MTREX: variants seen among roughly 807,000 people sequenced by gnomAD.
MTREX encodes the protein exosome RNA helicase MTR4.
A neutral mutation model predicts 135.4 loss-of-function variants in MTREX; 76 were observed. The observed-to-expected ratio is 0.56, with a 90% CI of 0.47 to 0.68. The LOEUF (loss-of-function observed/expected upper bound fraction) is 0.68. Among genes scored for constraint, MTREX ranks in the 30% least tolerant of loss-of-function variants. MTREX has a pLI of 0.00. For missense variants in MTREX, 920 were observed against 1,262.1 expected (o/e 0.73, Z 4.11); for synonymous variants, 404 against 401.6 (o/e 1.01, Z -0.07).
In MTREX at chr5:55,328,785, C is replaced by G. The variant is rs755748746; in HGVS notation, c.489C>G (p.Thr163=). The G allele has an allele frequency of 5.4e-5, 87 of 1,609,936 alleles. No individual in the cohort carries two copies. In the South Asian group the frequency reaches 7.7e-4, roughly 14 times the overall value. Residue 163 remains threonine, a synonymous_variant, in exon 5 of 27, where the codon ACC becomes ACG. Coordinates refer to ENST00000230640, the MANE Select transcript of MTREX (RefSeq NM_015360.5). ...NNQSVLVSAH[T]SAGKTVCAEY... is the part of the protein sequence containing the mutation. ...AGTCTGTTCTAGTATCTGCACATAC[C>G]TCAGCGGGAAAAACAGTATGCGCCG...
intron 1 of MTREX, among the ~76,000 whole-genome samples, chr5:55,319,390 A>G (rs561473691): frequency 2.6e-4 from 39 of 152,360 alleles, no homozygotes; most frequent in African/African-American, 9.4e-4. Context: ...TGACCATTTT[A>G]GAATGTGTTG....
At chr5:55,414,990 T>C (rs982215269) in intron 24 of MTREX, among the ~76,000 whole-genome samples, 3 of 152,250 alleles carry the variant, frequency 2.0e-5, no homozygotes, top group Admixed American at 2.0e-4. Context: ...TAAGAAATTG[T>C]CTCTGGATCC....
intron 14 of MTREX, among the ~76,000 whole-genome samples, chr5:55,355,660 G>A (rs866984166): frequency 2.6e-5 from 4 of 152,196 alleles, no homozygotes; most frequent in African/African-American, 7.2e-5. Flanking sequence ...AGCTCTTGGC[G>A]AATCCTGGGG....
At chr5:55,385,658 C>T (rs1366085961) in intron 18 of MTREX, among the ~76,000 whole-genome samples, 1 of 151,916 alleles carries the variant, frequency 6.6e-6, no homozygotes, top group East Asian at 1.9e-4. Flanking sequence ...TTGATATATT[C>T]TCTTAGGACT....
chr5:55,326,061 T>C (rs1749372538), intron 3 of MTREX, among the ~76,000 whole-genome samples: 1 of 152,170 alleles, frequency 6.6e-6, no homozygotes, highest in African/African-American at 2.4e-5. Context: ...ATTCAAGATA[T>C]GTTAGACCCT....
intron 19 of MTREX, among the ~76,000 whole-genome samples, chr5:55,389,937 A>G (rs558467649): frequency 6.6e-6 from 1 of 152,296 alleles, no homozygotes; most frequent in Non-Finnish European, 1.5e-5. Context: ...ATAAGGAAAT[A>G]TTAGCTCTCA....
rs983607828 is a variant in MTREX, at chr5:55,351,136, A to G, written c.1431+107A>G. 30 of 1,291,194 alleles carry G rather than the reference A, an allele frequency of 2.3e-5. 1 individual carries two copies. The highest frequency in any genetic ancestry group is 3.7e-5 in the Admixed American group (1 of 26,842). 80.0% of individuals were successfully genotyped at this position (1,291,194 alleles called of 1,614,324 possible). ...AATATGTGTGTTTTTAACAAGGCTT[A>G]ATGAAATGACTTAAATAATGAACTT... is the stretch of plus-strand genomic sequence containing the variant. On this transcript the variant is annotated intron_variant, in intron 13 of 26. Coordinates refer to ENST00000230640, the MANE Select transcript of MTREX (RefSeq NM_015360.5).
chr5:55,313,753 GTTTAAAACAGTACAT>G (rs1213904891), intron 1 of MTREX, among the ~76,000 whole-genome samples: 1 of 152,102 alleles, frequency 6.6e-6, no homozygotes, highest in East Asian at 1.9e-4. Context: ...AAAATCAAAA[GTTTAAAACAGTACAT>G]TCTTGCTTCC....
In MTREX at chr5:55,415,260, G is replaced by T. The variant is rs944878727; in HGVS notation, c.2809-710G>T. ...AAAAACCTGTGGCATATTATACTTA[G>T]TACTCAGCTGACTAAATAATCTATA... On this transcript the variant is annotated intron_variant, in intron 24 of 26. Coordinates refer to ENST00000230640, the MANE Select transcript of MTREX (RefSeq NM_015360.5). 2.0e-5 allele frequency among the ~76,000 whole-genome samples: 3 copies of T among 151,930 alleles called. No individual in the cohort carries two copies. The South Asian group carries it at 6.2e-4, about 31-fold the overall frequency.
chr5:55,310,877 AAGC>A (rs1329083665), intron 1 of MTREX, among the ~76,000 whole-genome samples: 18 of 152,166 alleles, frequency 1.2e-4, no homozygotes, highest in Non-Finnish European at 2.5e-4. Context: ...TCCTGGCCTC[AAGC>A]ATTCCTCCCA....
At chr5:55,424,116 ATTTTTT>A (rs938607992) in intron 26 of MTREX, 1 of 151,744 alleles carries the variant, frequency 6.6e-6, no homozygotes, top group African/African-American at 2.4e-5. Flanking sequence ...CTTCCCTATA[ATTTTTT>A]TTATTTTTAT....
At chr5:55,414,451 CATT>C (rs1750935246) in intron 24 of MTREX, among the ~76,000 whole-genome samples, 1 of 152,066 alleles carries the variant, frequency 6.6e-6, no homozygotes, top group South Asian at 2.1e-4. Flanking sequence ...TATTTCTTCC[CATT>C]ATTGTAATGA....
intron 10 of MTREX, among the ~76,000 whole-genome samples, chr5:55,345,540 C>A (rs1219970912): frequency 6.6e-6 from 1 of 152,084 alleles, no homozygotes; most frequent in Non-Finnish European, 1.5e-5. Context: ...CTTCTCATCC[C>A]GCAGACTTAG....
At chr5:55,402,295 T>C (rs2111594870) in intron 21 of MTREX, among the ~76,000 whole-genome samples, 1 of 152,334 alleles carries the variant, frequency 6.6e-6, no homozygotes, top group East Asian at 1.9e-4. Context: ...CAAACTTTCA[T>C]TACTTACACA....
chr5:55,344,323 G>GA (rs1476159508), intron 8 of MTREX, among the ~76,000 whole-genome samples, 199 bp from the exon 9 acceptor site: 3 of 152,122 alleles, frequency 2.0e-5, no homozygotes, highest in African/African-American at 7.2e-5. Context: ...GGTAAGTTGG[G>GA]AAGATGGTAG....
chr5:55,362,008 C>T (rs111959489), intron 15 of MTREX, among the ~76,000 whole-genome samples: 12 of 151,754 alleles, frequency 7.9e-5, no homozygotes, highest in African/African-American at 2.9e-4. Context: ...CCTTGACCTC[C>T]AGGGCTCAAG....
At chr5:55,331,230 A>G (rs1404842347) in intron 5 of MTREX, among the ~76,000 whole-genome samples, 1 of 152,184 alleles carries the variant, frequency 6.6e-6, no homozygotes, top group Non-Finnish European at 1.5e-5. Flanking sequence ...GCACCTTGAC[A>G]TACCTGATAC....
intron 1 of MTREX, among the ~76,000 whole-genome samples, chr5:55,317,908 A>G (rs1749224379): frequency 6.6e-6 from 1 of 152,212 alleles, no homozygotes; most frequent in African/African-American, 2.4e-5. Context: ...CAGCATTTAT[A>G]AGGAACTTAA....
chr5:55,382,464 A>C (rs1561203886), intron 18 of MTREX, among the ~76,000 whole-genome samples: 1 of 151,968 alleles, frequency 6.6e-6, no homozygotes, highest in African/African-American at 2.4e-5. Context: ...TAGAGGTGTT[A>C]TTTCTGTATA....
Sources: allele counts gnomAD v4.1 joint callset (sites outside exome capture counted in the v4.1 genomes callset), GRCh38; gene constraint gnomAD v4.1.1; transcripts MANE v1.5; gene names NCBI Gene and HGNC (gene_info 2026-07-23, HGNC 2026-07-21).